Variants in BMPR2 observed in about 807,000 individuals in gnomAD.
BMPR2 encodes the protein bone morphogenetic protein receptor type 2.
Under a neutral mutation model 100.8 loss-of-function variants are expected in BMPR2, and 29 were observed. The ratio of observed to expected loss-of-function variants is 0.29; its 90% confidence interval spans 0.21 to 0.39. The LOEUF (loss-of-function observed/expected upper bound fraction) is 0.39. BMPR2 is among the 10% of genes least tolerant of loss of function. BMPR2 has a pLI of 1.00. For missense variants in BMPR2, 1,011 were observed against 1,274.5 expected, an observed-to-expected ratio of 0.79 and a Z score of 3.15; for synonymous variants, 382 against 442.3, an observed-to-expected ratio of 0.86 and a Z score of 1.71.
At chr2:202,559,199 G>A (rs1688638574) in intron 12 of BMPR2, among the ~76,000 whole-genome samples, 1 of 151,878 alleles carries the variant, frequency 6.6e-6, no homozygotes, top group South Asian at 2.1e-4. Context: ...CTACTTGAGA[G>A]GCTGAGGCGT....
intron 1 of BMPR2, among the ~76,000 whole-genome samples, chr2:202,433,885 C>T (rs555768151): frequency 8.7e-5 from 13 of 149,884 alleles, no homozygotes; most frequent in Non-Finnish European, 1.8e-4. Flanking sequence ...TCCAGCCTGG[C>T]GACAGAGCGA....
intron 1 of BMPR2, among the ~76,000 whole-genome samples, chr2:202,386,750 G>A (rs1323582000): frequency 1.3e-5 from 2 of 151,228 alleles, no homozygotes; most frequent in Non-Finnish European, 1.5e-5. Context: ...GCGCGATCTC[G>A]GCTCACTGCA....
intron 3 of BMPR2, among the ~76,000 whole-genome samples, chr2:202,501,802 C>T (rs547255526): frequency 6.6e-5 from 10 of 152,334 alleles, no homozygotes; most frequent in Non-Finnish European, 1.2e-4. Context: ...TGCGCATATG[C>T]GTGGCCCTCA....
At chr2:202,550,911 G>A (rs562379626) in intron 10 of BMPR2, among the ~76,000 whole-genome samples, 2 of 150,342 alleles carry the variant, frequency 1.3e-5, no homozygotes, top group South Asian at 4.2e-4. Flanking sequence ...TGTCCTTTGA[G>A]GGACTCCCTT....
intron 1 of BMPR2, among the ~76,000 whole-genome samples, chr2:202,413,781 C>A (rs1175475540): frequency 1.3e-5 from 2 of 152,028 alleles, no homozygotes; most frequent in Non-Finnish European, 2.9e-5. Context: ...CCTCCCACCT[C>A]AGTCTCTTGA....
intron 1 of BMPR2, among the ~76,000 whole-genome samples, chr2:202,397,860 C>T (rs1382221622): frequency 6.6e-6 from 1 of 151,472 alleles, no homozygotes; most frequent in Non-Finnish European, 1.5e-5. Flanking sequence ...GTGGCTCCCG[C>T]CTGTAATCCC....
In BMPR2 at chr2:202,390,656, T is replaced by G. The variant is rs547861260; in HGVS notation, c.76+13106T>G. Among the ~76,000 whole-genome samples the G allele has an allele frequency of 2.6e-5, 4 of 152,124 alleles. No individual in the cohort carries two copies. In the South Asian group the frequency reaches 8.3e-4, roughly 32 times the overall value. ...CGAGAATCTCCCATTTTCTTATACC[T>G]TTTCAAATACTACGTAATATCATTC... On this transcript the variant is annotated intron_variant, in intron 1 of 12. Transcript: ENST00000374580.
intron 3 of BMPR2, among the ~76,000 whole-genome samples, chr2:202,487,990 G>A (rs1432270847): frequency 1.3e-5 from 2 of 152,212 alleles, no homozygotes; most frequent in Non-Finnish European, 2.9e-5. Flanking sequence ...GATTGCAGGC[G>A]TGAGCCTCCG....
Position 202,559,793 on chromosome 2 carries a change from C to T in BMPR2, c.2964C>T (p.Thr988=). 6.2e-7 allele frequency: 1 copy of T among 1,614,048 alleles called. No individual in the cohort carries two copies. Among genetic ancestry groups the T allele is most frequent in the South Asian group, 1.1e-5 (1 of 91,068 alleles). The change falls in exon 13 of 13, where the codon ACC becomes ACT. Residue 988 remains threonine, a synonymous_variant. Transcript: ENST00000374580. ...CTCTTAAGCGGTGGCGCCCCTCCAC[C>T]TGGGTCATCTCCACTGAATCGCTGG... is the stretch of plus-strand genomic sequence containing the variant. The part of the protein sequence containing the change: ...PYSLKRWRPS[T]WVISTESLDC...
intron 1 of BMPR2, among the ~76,000 whole-genome samples, chr2:202,383,652 C>T (rs1039732003): frequency 3.8e-5 from 5 of 132,746 alleles, no homozygotes; most frequent in African/African-American, 1.4e-4. Flanking sequence ...CCAGCCTGGG[C>T]AACAAGAGCG....
intron 9 of BMPR2, among the ~76,000 whole-genome samples, chr2:202,535,514 T>G (rs1379348762): frequency 6.7e-6 from 1 of 148,742 alleles, no homozygotes; most frequent in African/African-American, 2.5e-5. Flanking sequence ...GCTCCTCACT[T>G]CCTAGATGTG....
intron 10 of BMPR2, among the ~76,000 whole-genome samples, chr2:202,546,668 A>G (rs1024874081): frequency 3.9e-5 from 6 of 152,182 alleles, no homozygotes; most frequent in African/African-American, 1.2e-4. Context: ...CAGTGGCGCA[A>G]TCTCAGCTCA....
At chr2:202,510,203 G>GGTCA (rs1687593569) in intron 3 of BMPR2, among the ~76,000 whole-genome samples, 1 of 152,156 alleles carries the variant, frequency 6.6e-6, no homozygotes, top group Admixed American at 6.5e-5. Flanking sequence ...CAGATCACGA[G>GGTCA]GTCAGGAGTT....
At chr2:202,476,467 A>G (rs1279133023) in intron 3 of BMPR2, among the ~76,000 whole-genome samples, 1 of 152,224 alleles carries the variant, frequency 6.6e-6, no homozygotes, top group African/African-American at 2.4e-5. Flanking sequence ...GAGACTAGCC[A>G]TGATTTGAGT....
chr2:202,396,296 A>G (rs1178965118), intron 1 of BMPR2, among the ~76,000 whole-genome samples: 2 of 152,208 alleles, frequency 1.3e-5, no homozygotes, highest in Admixed American at 6.5e-5. Context: ...TATGTAGTCT[A>G]CCTTATTTAA....
intron 1 of BMPR2, among the ~76,000 whole-genome samples, chr2:202,408,111 G>A (rs1272513523): frequency 6.6e-6 from 1 of 152,096 alleles, no homozygotes; most frequent in East Asian, 1.9e-4. Context: ...GGGATTACAG[G>A]CGTGAGCCAC....
intron 1 of BMPR2, among the ~76,000 whole-genome samples, chr2:202,391,417 C>T (rs1690546869): frequency 6.6e-6 from 1 of 151,786 alleles, no homozygotes; most frequent in African/African-American, 2.4e-5. Flanking sequence ...GTGATCCTCC[C>T]ACCTCAGCCT....
intron 10 of BMPR2, among the ~76,000 whole-genome samples, chr2:202,545,149 G>C (rs994184315): frequency 1.0e-4 from 4 of 38,420 alleles, no homozygotes; most frequent in Admixed American, 2.8e-4. Context: ...GACATTCTAA[G>C]AATCATTTTT....
At chr2:202,537,701 A>C (rs1399863374) in intron 9 of BMPR2, among the ~76,000 whole-genome samples, 1 of 152,218 alleles carries the variant, frequency 6.6e-6, no homozygotes, top group East Asian at 1.9e-4. Flanking sequence ...CACGATAAAA[A>C]AAAAATAAAG....
Sources: gnomAD v4.1 joint callset for allele counts (sites outside exome capture counted in the v4.1 genomes callset) on GRCh38, gnomAD v4.1.1 for gene constraint, MANE v1.5 for transcripts, NCBI Gene and HGNC (gene_info 2026-07-23, HGNC 2026-07-21) for gene names.